PATZ1: variants seen among roughly 807,000 people sequenced by gnomAD.
PATZ1 encodes POZ-, AT hook-, and zinc finger-containing protein 1.
A neutral mutation model predicts 46.2 loss-of-function variants in PATZ1; 9 were observed. The observed-to-expected ratio is 0.19, with a 90% CI of 0.12 to 0.34. The LOEUF (loss-of-function observed/expected upper bound fraction) is 0.34. PATZ1 is among the 10% of genes least tolerant of loss of function. The pLI is 1.00. For synonymous variants in PATZ1, 426 were observed against 378.6 expected (o/e 1.13, Z -1.45); for missense variants, 632 against 923.0 (o/e 0.68, Z 4.08).
At chr22:31,331,667 G>A (rs1249765405) in intron 3 of PATZ1, among the ~76,000 whole-genome samples, 1 of 152,022 alleles carries the variant, frequency 6.6e-6, no homozygotes, top group East Asian at 1.9e-4. Flanking sequence ...AATCCCTTGT[G>A]GGGTCTCTAA....
intron 2 of PATZ1, chr22:31,341,293 C>G (rs995232929): frequency 6.9e-7 from 1 of 1,451,024 alleles, no homozygotes; most frequent in African/African-American, 1.4e-5. Flanking sequence ...CAGGGAGGAG[C>G]TGGGCATGCT....
Position 31,327,117 on chromosome 22 carries a change from A to C in PATZ1, c.1838T>G (p.Phe613Cys), listed in dbSNP as rs1344789826. The C allele has an allele frequency of 6.2e-7, 1 of 1,613,990 alleles. No homozygotes were observed. The highest frequency in any genetic ancestry group is 8.5e-7 in the Non-Finnish European group (1 of 1,180,012). The change falls in exon 5 of 5, where the codon TTC becomes TGC. Residue 613 changes from phenylalanine (F) to cysteine (C), a missense_variant. Around this residue, in one of 7 missense-constraint regions of PATZ1, gnomAD observed 176 missense variants for 249.4 expected, o/e 0.71. Coordinates refer to ENST00000266269, the MANE Select transcript of PATZ1 (RefSeq NM_014323.3). This position sits in a 1 kb window ranked among gnomAD's most constrained non-coding sequence, Gnocchi z 4.2. ...KKYPCPECGS[F>C]FRSKSYLNKH... ...GTTCAAGTAGGACTTAGAGCGGAAG[A>C]AGCTCCCACATTCAGGGCATGGGTA...
intron 1 of PATZ1, 120 bp downstream of exon 1, chr22:31,344,212 C>G: frequency 1.1e-6 from 1 of 894,800 alleles, no homozygotes; most frequent in East Asian, 2.4e-5. Flanking sequence ...CTACCCAAAC[C>G]TGGCATGGTT....
chr22:31,336,214 A>C (rs529546677), intron 2 of PATZ1, among the ~76,000 whole-genome samples: 1 of 152,370 alleles, frequency 6.6e-6, no homozygotes, highest in African/African-American at 2.4e-5. Context: ...TGCATTAGCT[A>C]TAATGCACAG....
chr22:31,339,772 T>C (rs994948063), intron 2 of PATZ1, among the ~76,000 whole-genome samples: 2 of 152,192 alleles, frequency 1.3e-5, no homozygotes, highest in Admixed American at 1.3e-4. Context: ...TGAGCCCCAG[T>C]CCTGCTCCCT....
chr22:31,335,686 G>C lies in PATZ1; in HGVS notation c.1507+6C>G. The C allele has an allele frequency of 2.5e-6, 4 of 1,613,066 alleles. No homozygotes were observed. The highest frequency in any genetic ancestry group is 1.3e-5 in the African/African-American group (1 of 75,026). On this transcript the variant is annotated splice_donor_region_variant and intron_variant, in intron 3 of 4. Transcript: ENST00000266269. Reference sequence around the variant, plus strand: ...TCTGGAAGTGAGGAAACAGTGGGCAGATTACCTCGGTTACAGATACTGCAG... The same window carrying C: ...TCTGGAAGTGAGGAAACAGTGGGCACATTACCTCGGTTACAGATACTGCAG...
At position 31,328,709 on chromosome 22, in the gene PATZ1, G is replaced by A. The variant is rs1569023337; in HGVS notation, c.1645+78C>T. The A allele has an allele frequency of 1.1e-5, 15 of 1,384,374 alleles. No individual in the cohort carries two copies. The highest frequency in any genetic ancestry group is 4.7e-5 in the South Asian group (4 of 85,754). 85.8% of individuals were successfully genotyped at this position (1,384,374 alleles called of 1,614,324 possible). On this transcript the variant is annotated intron_variant, in intron 4 of 4. Coordinates refer to ENST00000266269, the MANE Select transcript of PATZ1 (RefSeq NM_014323.3). The surrounding 1 kb of genome is among the most constrained non-coding windows in gnomAD (Gnocchi z 4.8). Reference sequence around the variant, plus strand: ...CAGCCAGAAAGCCGGCAGCCTTCCCGCCTCCCCACGCCCAGCCCAGCGCCC... The same window carrying A: ...CAGCCAGAAAGCCGGCAGCCTTCCCACCTCCCCACGCCCAGCCCAGCGCCC...
chr22:31,331,552 AG>A (rs1569024265), intron 3 of PATZ1, among the ~76,000 whole-genome samples: 1 of 152,064 alleles, frequency 6.6e-6, no homozygotes, highest in East Asian at 1.9e-4. Flanking sequence ...CATGTTAGCC[AG>A]GATGGTCTCG....
chr22:31,335,110 C>T (rs187670476), intron 3 of PATZ1, among the ~76,000 whole-genome samples: 120 of 152,302 alleles, frequency 7.9e-4, no homozygotes, highest in African/African-American at 2.9e-3. Flanking sequence ...TACTTAGGCC[C>T]ACCTTGTCCT....
Position 31,326,072 on chromosome 22 carries a change from A to C in PATZ1, c.*819T>G. On this transcript the variant is annotated 3_prime_UTR_variant, in exon 5 of 5. Transcript: ENST00000266269. ...ATTATGGTACATCTAAACAAAGTTT[A>C]ATACTAACCCTAATGTGTGACTGCG... 1 of 218,580 alleles carries C rather than the reference A, an allele frequency of 4.6e-6. No individual in the cohort carries two copies. The highest frequency in any genetic ancestry group is 9.2e-6 in the Non-Finnish European group (1 of 108,524). 13.5% of individuals were successfully genotyped at this position (218,580 alleles called of 1,614,324 possible).
In PATZ1 at chr22:31,344,478, C is replaced by T. The variant is rs2049622750; in HGVS notation, c.1125G>A (p.Leu375=). The T allele has an allele frequency of 3.7e-6, 6 of 1,614,126 alleles. No individual in the cohort carries two copies. The highest frequency in any genetic ancestry group is 1.6e-4 in the Middle Eastern group (1 of 6,084). The change falls in exon 1 of 5, where the codon CTG becomes CTA. Residue 375 remains leucine (L), a synonymous_variant. Transcript: ENST00000266269. ...RDVYHLNRHK[L]SHSGEKPYSC... ...AGTAGGGCTTCTCCCCAGAGTGGGA[C>T]AGCTTGTGCCGGTTAAGATGATACA...
intron 2 of PATZ1, among the ~76,000 whole-genome samples, chr22:31,336,468 T>C (rs2049510225): frequency 6.6e-6 from 1 of 152,124 alleles, no homozygotes; most frequent in Admixed American, 6.5e-5. Flanking sequence ...GTGGCAATTC[T>C]GACGACATGA....
chr22:31,341,159 C>G (rs1433190063), intron 2 of PATZ1: 1 of 1,210,880 alleles, frequency 8.3e-7, no homozygotes. Flanking sequence ...GGGGTGCCAT[C>G]TGTGAAAGGG....
At position 31,345,923 on chromosome 22, in the gene PATZ1, G is replaced by A; in HGVS notation, c.-321C>T. The A allele has an allele frequency of 3.3e-6, 1 of 305,818 alleles. No homozygotes were observed. Among genetic ancestry groups the A allele is most frequent in the South Asian group, 1.5e-4 (1 of 6,746 alleles). The allele number at this position is 305,818 out of a possible 1,614,324, so 18.9% of individuals were successfully genotyped here. A position where few individuals can be genotyped will look rare whatever the true frequency, so the allele number is the denominator to read the frequency against. On this transcript the variant is annotated 5_prime_UTR_variant, in exon 1 of 5. Transcript: ENST00000266269. The surrounding 1 kb of genome is among the most constrained non-coding windows in gnomAD (Gnocchi z 7.4). ...GCGAGCGAAGAGGTGCGCCCCTCCTGCAAACGCGCCTGCCACCTCCCCTCC... is the reference window on the plus strand; with the variant it reads ...GCGAGCGAAGAGGTGCGCCCCTCCTACAAACGCGCCTGCCACCTCCCCTCC...
intron 1 of PATZ1, 29 bp downstream of exon 1, chr22:31,344,303 C>T: frequency 6.4e-7 from 1 of 1,558,012 alleles, no homozygotes; most frequent in Non-Finnish European, 8.7e-7. Flanking sequence ...TAACGTGTGG[C>T]AGGGGAGGAA....
In PATZ1 at chr22:31,326,349, A is replaced by T. The variant is rs1030833350; in HGVS notation, c.*542T>A. Reference sequence around the variant, plus strand: ...CTGGAGCCCTCCAGGCAGAGGGCTGAGCTCAGGGGGCTCTTGGAGGACACT... The same window carrying T: ...CTGGAGCCCTCCAGGCAGAGGGCTGTGCTCAGGGGGCTCTTGGAGGACACT... On this transcript the variant is annotated 3_prime_UTR_variant, in exon 5 of 5. Transcript: ENST00000266269. The T allele has an allele frequency of 5.2e-5, 12 of 230,854 alleles. No individual in the cohort carries two copies. The highest frequency in any genetic ancestry group is 2.0e-4 in the African/African-American group (9 of 45,276). 14.3% of individuals were successfully genotyped at this position (230,854 alleles called of 1,614,324 possible).
At chr22:31,342,809 C>CCGGCACACGCAG in intron 2 of PATZ1, 88 bp downstream of exon 2, 2 of 1,467,528 alleles carry the variant, frequency 1.4e-6, no homozygotes, top group Non-Finnish European at 9.4e-7. Flanking sequence ...AGCCGGGCCC[C>CCGGCACACGCAG]CGGCACACGC....
At chr22:31,333,366 C>T (rs1214491787) in intron 3 of PATZ1, among the ~76,000 whole-genome samples, 3 of 152,162 alleles carry the variant, frequency 2.0e-5, no homozygotes, top group East Asian at 1.9e-4. Context: ...GCAACCCCTC[C>T]TGTAGGTACA....
chr22:31,341,515 G>T (rs2049581503), intron 2 of PATZ1: 1 of 1,613,908 alleles, frequency 6.2e-7, no homozygotes, highest in Admixed American at 1.7e-5. Context: ...GAGTGTGCTG[G>T]GCCCAGGTTT....
Sources: allele counts gnomAD v4.1 joint callset (sites outside exome capture counted in the v4.1 genomes callset), GRCh38; gene constraint gnomAD v4.1.1; regional missense constraint gnomAD v4.1.1; non-coding constraint Gnocchi (gnomAD v3.1); transcripts MANE v1.5; gene names NCBI Gene and HGNC (gene_info 2026-07-23, HGNC 2026-07-21).